The following TWF2 variants were observed in gnomAD, a reference collection of about 807,000 sequenced individuals.
The protein encoded by TWF2 is twinfilin actin binding protein 2.
A neutral mutation model predicts 45.1 loss-of-function variants in TWF2; 15 were observed. The observed-to-expected ratio is 0.33, with a 90% CI of 0.22 to 0.51. The LOEUF is 0.51. Ranked by LOEUF, TWF2 falls within the 20% of genes least tolerant of loss-of-function variation. TWF2 has a pLI of 0.97. For synonymous variants in TWF2, 177 were observed against 195.8 expected (o/e 0.90, Z 0.80); for missense variants, 423 against 469.1 (o/e 0.90, Z 0.91).
Position 52,235,863 on chromosome 3 carries a change from C to G in TWF2, c.26-757G>C, listed in dbSNP as rs371717503. On this transcript the variant is annotated intron_variant, in intron 1 of 8. Coordinates refer to ENST00000305533, the MANE Select transcript of TWF2 (RefSeq NM_007284.4). ...TGCAGCCCCAGTCCCAGCCCTCCAG[C>G]CAGGCTGTCTAACCCTGAGACCCCG... 2.2e-4 allele frequency among the ~76,000 whole-genome samples: 34 copies of G among 152,330 alleles called. No homozygotes were observed. In the East Asian group the frequency reaches 5.6e-3, roughly 25 times the overall value.
chr3:52,230,607 T>G (rs1166646041), intron 6 of TWF2, among the ~76,000 whole-genome samples: 2 of 151,966 alleles, frequency 1.3e-5, no homozygotes, highest in African/African-American at 4.8e-5. Flanking sequence ...GGCAGTGTGC[T>G]CACAGGTGTA....
intron 1 of TWF2, among the ~76,000 whole-genome samples, chr3:52,237,870 C>T (rs1699741863): frequency 6.6e-6 from 1 of 152,224 alleles, no homozygotes; most frequent in East Asian, 1.9e-4. Context: ...TGGTGGCAGC[C>T]CCAGGCAGGG....
Position 52,231,450 on chromosome 3 carries a change from A to G in TWF2, c.372T>C (p.Thr124=), listed in dbSNP as rs983031155. ...GGHIKDELFG[T]VKDDLSFAGY... The stretch of plus-strand genomic sequence containing the variant: ...AGTCCTGGCTTAGGATTACCTTCAC[A>G]GTCCCGAAGAGCTCATCCTTGATGT... The change falls in exon 4 of 9, where the codon ACT becomes ACC. Residue 124 remains threonine, a synonymous_variant. Transcript: ENST00000305533. 10 of 1,613,724 alleles carry G rather than the reference A, an allele frequency of 6.2e-6. No individual in the cohort carries two copies. The highest frequency in any genetic ancestry group is 1.6e-4 in the Middle Eastern group (1 of 6,080).
Position 52,230,833 on chromosome 3 carries a change from G to A in TWF2, c.609+37C>T, listed in dbSNP as rs755910062. On this transcript the variant is annotated intron_variant, in intron 6 of 8. Coordinates refer to ENST00000305533, the MANE Select transcript of TWF2 (RefSeq NM_007284.4). The stretch of plus-strand genomic sequence containing the variant: ...ATGTGCATGGGCAGGAGTAGGGGTG[G>A]TGGCAGCATGTGCCAGGGTAGGGAG... The A allele has an allele frequency of 4.9e-5, 79 of 1,602,422 alleles. No individual in the cohort carries two copies. The Middle Eastern group carries it at 8.3e-4, about 17-fold the overall frequency.
chr3:52,231,588 C>G, intron 3 of TWF2, 49 bp from the exon 4 acceptor site: 1 of 1,566,712 alleles, frequency 6.4e-7, no homozygotes, highest in South Asian at 1.2e-5. Context: ...AGGGCTGCCT[C>G]TCCCGGAACA....
At chr3:52,234,329 T>C (rs1042698413) in intron 2 of TWF2, among the ~76,000 whole-genome samples, 22 of 152,136 alleles carry the variant, frequency 1.4e-4, no homozygotes, top group African/African-American at 5.1e-4. Context: ...GGACAGTCCA[T>C]TGGCATGGAG....
intron 1 of TWF2, 55 bp downstream of exon 1, chr3:52,238,937 G>GGA: frequency 6.4e-7 from 1 of 1,566,586 alleles, no homozygotes; most frequent in Non-Finnish European, 8.6e-7. Context: ...GCCGGGGGGG[G>GGA]GCGCTTCCGA....
chr3:52,234,626 G>C (rs1322129064), intron 2 of TWF2, among the ~76,000 whole-genome samples: 1 of 152,238 alleles, frequency 6.6e-6, no homozygotes, highest in East Asian at 1.9e-4. Flanking sequence ...TCGGACAGCA[G>C]CTGAGCCAGG....
chr3:52,231,569 C>T (rs758845464), intron 3 of TWF2, 30 bp from the exon 4 acceptor site: 1 of 1,599,906 alleles, frequency 6.3e-7, no homozygotes, highest in South Asian at 1.1e-5. Flanking sequence ...CCGTAAGAGG[C>T]CTCTGGGCAG....
chr3:52,229,759 A>T lies in TWF2; in HGVS notation c.784T>A (p.Tyr262Asn), dbSNP rs1393775004. 1.2e-6 allele frequency: 2 copies of T among 1,612,870 alleles called. No homozygotes were observed. The change falls in exon 8 of 9, where the codon TAC becomes AAC. Residue 262 changes from tyrosine to asparagine, a missense_variant. Tyr to Asn is a moderately radical substitution (Grantham distance 143). Coordinates refer to ENST00000305533, the MANE Select transcript of TWF2 (RefSeq NM_007284.4). ...ATTCGCTCCTTGATGCTGCACTTGT[A>T]CCCCGGCATGGAGTAGATGAACACT... Reference protein sequence around the residue: ...SVVFIYSMPGYKCSIKERMLY... With the variant: ...SVVFIYSMPGNKCSIKERMLY...
intron 1 of TWF2, among the ~76,000 whole-genome samples, chr3:52,238,340 T>C (rs1699746521): frequency 6.6e-6 from 1 of 152,188 alleles, no homozygotes; most frequent in South Asian, 2.1e-4. Context: ...GAAGTCTCTG[T>C]TCCGGGTTTT....
chr3:52,230,546 G>A (rs902901614), intron 6 of TWF2, among the ~76,000 whole-genome samples: 9 of 152,188 alleles, frequency 5.9e-5, no homozygotes, highest in South Asian at 2.1e-4. Flanking sequence ...GAAGGGCCTC[G>A]GGGCTGAGGG....
intron 8 of TWF2, 62 bp downstream of exon 8, chr3:52,229,599 G>A (rs748959346): frequency 5.0e-5 from 80 of 1,588,826 alleles, no homozygotes; most frequent in Non-Finnish European, 6.6e-5. Context: ...GGACCCCAGC[G>A]CCCCACATGG....
Position 52,229,655 on chromosome 3 carries a change from G to C in TWF2, c.882+6C>G. ...GGGGAGGTGAGGCCCTGGGGAGGGC[G>C]CCTACTTTCTTGGCGATCTCCAGAT... On this transcript the variant is annotated splice_donor_region_variant and intron_variant, in intron 8 of 8. Transcript: ENST00000305533. The C allele has an allele frequency of 6.2e-7, 1 of 1,613,112 alleles. No individual in the cohort carries two copies. Among genetic ancestry groups the C allele is most frequent in the Non-Finnish European group, 8.5e-7 (1 of 1,179,874 alleles).
Position 52,229,731 on chromosome 3 carries a change from A to C in TWF2, c.812T>G (p.Leu271Arg), listed in dbSNP as rs1234517996. Reference protein sequence around the residue: ...GYKCSIKERMLYSSCKSRLLD... With the variant: ...GYKCSIKERMRYSSCKSRLLD... ...GAGGCGGCTCTTGCAGCTGGAGTAG[A>C]GCATTCGCTCCTTGATGCTGCACTT... Residue 271 changes from leucine (L) to arginine (R), a missense_variant, in exon 8 of 9, where the codon CTC (leucine) becomes CGC (arginine). Coordinates refer to ENST00000305533, the MANE Select transcript of TWF2 (RefSeq NM_007284.4). 1 of 1,613,126 alleles carries C rather than the reference A, an allele frequency of 6.2e-7. No homozygotes were observed. The highest frequency in any genetic ancestry group is 8.5e-7 in the Non-Finnish European group (1 of 1,179,972).
chr3:52,234,811 C>T (rs1053008807), intron 2 of TWF2, among the ~76,000 whole-genome samples: 1 of 152,230 alleles, frequency 6.6e-6, no homozygotes, highest in Non-Finnish European at 1.5e-5. Context: ...TTGCTGACCC[C>T]AGCTTCGGCT....
chr3:52,238,324 C>G (rs1218111492), intron 1 of TWF2, among the ~76,000 whole-genome samples: 1 of 152,192 alleles, frequency 6.6e-6, no homozygotes, highest in Non-Finnish European at 1.5e-5. Context: ...TTCTCCATCC[C>G]ACGTAGAAGT....
intron 1 of TWF2, 139 bp from the exon 2 acceptor site, chr3:52,235,245 G>C (rs1699714487): frequency 2.6e-6 from 2 of 757,608 alleles, no homozygotes; most frequent in Non-Finnish European, 4.2e-6. Flanking sequence ...CTGGGAACCT[G>C]AGACAGCCAC....
In TWF2 at chr3:52,239,033, C is replaced by G; in HGVS notation, c.-17G>C. The G allele has an allele frequency of 1.3e-6, 2 of 1,594,022 alleles. No homozygotes were observed. Among genetic ancestry groups the G allele is most frequent in the South Asian group, 2.2e-5 (2 of 90,606 alleles). On this transcript the variant is annotated 5_prime_UTR_variant, in exon 1 of 9. Transcript: ENST00000305533. ...GTGCGCCATGGCTCGGCGCTTCGCTCCGTCCGCGCCGTCGGAGCCCTCCGC... is the reference window on the plus strand; with the variant it reads ...GTGCGCCATGGCTCGGCGCTTCGCTGCGTCCGCGCCGTCGGAGCCCTCCGC...
Sources: gnomAD v4.1 joint callset for allele counts (sites outside exome capture counted in the v4.1 genomes callset) on GRCh38, gnomAD v4.1.1 for gene constraint, MANE v1.5 for transcripts, NCBI Gene and HGNC (gene_info 2026-07-23, HGNC 2026-07-21) for gene names.